The following ARHGAP44 variants were observed in gnomAD, a reference collection of about 807,000 sequenced individuals.
ARHGAP44 encodes the protein rho GTPase-activating protein 44.
Under a neutral mutation model 106.8 loss-of-function variants are expected in ARHGAP44, and 43 were observed. The observed-to-expected ratio is 0.40, with a 90% CI of 0.32 to 0.52. ARHGAP44 has a LOEUF of 0.52. Among genes scored for constraint, ARHGAP44 ranks in the 20% least tolerant of loss-of-function variants. The pLI is 0.48. For synonymous variants in ARHGAP44, 439 were observed against 410.3 expected, an observed-to-expected ratio of 1.07 and a Z score of -0.85; for missense variants, 866 against 1,050.5, an observed-to-expected ratio of 0.82 and a Z score of 2.43.
intron 1 of ARHGAP44, among the ~76,000 whole-genome samples, chr17:12,831,885 A>T (rs748643256): frequency 1.3e-5 from 2 of 152,176 alleles, no homozygotes; most frequent in Non-Finnish European, 2.9e-5. Flanking sequence ...CATTCTAGGG[A>T]TGAGACCGTG....
At chr17:12,917,264 G>C (rs528713930) in intron 5 of ARHGAP44, 3 of 154,708 alleles carry the variant, frequency 1.9e-5, no homozygotes, top group South Asian at 2.0e-4. Context: ...AATCACAGAG[G>C]GGGAGAGGTC....
At chr17:12,792,643 A>G (rs1424648366) in intron 1 of ARHGAP44, among the ~76,000 whole-genome samples, 1 of 152,152 alleles carries the variant, frequency 6.6e-6, no homozygotes, top group African/African-American at 2.4e-5. Context: ...AAAGCACTTG[A>G]TTTTTATCCT....
intron 1 of ARHGAP44, among the ~76,000 whole-genome samples, chr17:12,826,753 C>A (rs772882985): frequency 2.0e-5 from 3 of 152,192 alleles, no homozygotes; most frequent in Non-Finnish European, 4.4e-5. Flanking sequence ...TCTCTTGATT[C>A]TTCTTATGAT....
chr17:12,838,018 C>T (rs1266598189), intron 1 of ARHGAP44, among the ~76,000 whole-genome samples: 1 of 152,126 alleles, frequency 6.6e-6, no homozygotes, highest in Non-Finnish European at 1.5e-5. Flanking sequence ...CTGCTCTTAG[C>T]CAGTTTCCCT....
At chr17:12,888,827 C>T (rs2036958186) in intron 1 of ARHGAP44, among the ~76,000 whole-genome samples, 1 of 152,054 alleles carries the variant, frequency 6.6e-6, no homozygotes, top group South Asian at 2.1e-4. Flanking sequence ...ACCCTTTTGT[C>T]ATTATTTCAT....
intron 1 of ARHGAP44, among the ~76,000 whole-genome samples, chr17:12,838,981 A>G (rs1397639985): frequency 6.6e-6 from 1 of 152,182 alleles, no homozygotes; most frequent in African/African-American, 2.4e-5. Context: ...TGCTGGGATT[A>G]CAGACGTGAG....
chr17:12,856,962 T>G (rs970376208), intron 1 of ARHGAP44, among the ~76,000 whole-genome samples: 1 of 152,216 alleles, frequency 6.6e-6, no homozygotes, highest in African/African-American at 2.4e-5. Flanking sequence ...CTGAAAATAA[T>G]ATGTCATTAG....
In ARHGAP44 at chr17:12,991,349, C is replaced by T. The variant is rs1378656064; in HGVS notation, c.*1178C>T. 1.3e-5 allele frequency: 2 copies of T among 153,368 alleles called. No homozygotes were observed. Among genetic ancestry groups the T allele is most frequent in the African/African-American group, 4.8e-5 (2 of 41,386 alleles). 9.5% of individuals were successfully genotyped at this position (153,368 alleles called of 1,614,324 possible). ...GATATAATATTTGTATATATGAAAT[C>T]TCTCTATATTTGTTTAATTTGAGCC... On this transcript the variant is annotated 3_prime_UTR_variant, in exon 21 of 21. Transcript: ENST00000379672.
intron 13 of ARHGAP44, among the ~76,000 whole-genome samples, chr17:12,954,613 C>T (rs1161138813): frequency 6.6e-6 from 1 of 152,104 alleles, no homozygotes; most frequent in Non-Finnish European, 1.5e-5. Context: ...CGAAGGTGAG[C>T]AGAAAATCCC....
chr17:12,894,974 C>T lies in ARHGAP44; in HGVS notation c.88C>T (p.Leu30Phe). The change falls in exon 2 of 21, where the codon CTT (leucine) becomes TTT (phenylalanine). Residue 30 changes from leucine (L) to phenylalanine (F), a missense_variant. Transcript: ENST00000379672. ...EKTEVLSEDL[L>F]QVEKRLELVK... Reference sequence around the variant, plus strand: ...GACAGAAGTTTTGAGTGAAGACCTTCTTCAGGTAAGGCGGCCATTGACACT... The same window carrying T: ...GACAGAAGTTTTGAGTGAAGACCTTTTTCAGGTAAGGCGGCCATTGACACT... The T allele has an allele frequency of 6.3e-7, 1 of 1,588,252 alleles. No individual in the cohort carries two copies. The highest frequency in any genetic ancestry group is 8.6e-7 in the Non-Finnish European group (1 of 1,166,416).
At chr17:12,903,687 G>T (rs983524387) in intron 3 of ARHGAP44, among the ~76,000 whole-genome samples, 1 of 152,094 alleles carries the variant, frequency 6.6e-6, no homozygotes, top group African/African-American at 2.4e-5. Context: ...ATATTTTGGT[G>T]CACCCATCAC....
chr17:12,845,786 G>A (rs751313187), intron 1 of ARHGAP44, among the ~76,000 whole-genome samples: 1 of 152,132 alleles, frequency 6.6e-6, no homozygotes, highest in Non-Finnish European at 1.5e-5. Flanking sequence ...ACTAACAACT[G>A]CCTTTGCCAG....
At position 12,974,271 on chromosome 17, in the gene ARHGAP44, C is replaced by T. The variant is rs1234443526; in HGVS notation, c.1724C>T (p.Pro575Leu). The change falls in exon 18 of 21, where the codon CCA (proline) becomes CTA (leucine). Residue 575 changes from proline to leucine, a missense_variant. Coordinates refer to ENST00000379672, the MANE Select transcript of ARHGAP44 (RefSeq NM_014859.6). Reference protein sequence around the residue: ...LDSPAAPALSPSGLGLQPGPE... With the variant: ...LDSPAAPALSLSGLGLQPGPE... ...AGCCCCGCGGCCCCCGCGCTCTCTCCATCCGGCCTGGGCCTCCAGCCTGGG... is the reference window on the plus strand; with the variant it reads ...AGCCCCGCGGCCCCCGCGCTCTCTCTATCCGGCCTGGGCCTCCAGCCTGGG... 2 of 1,499,298 alleles carry T rather than the reference C, an allele frequency of 1.3e-6. No homozygotes were observed. The highest frequency in any genetic ancestry group is 8.9e-7 in the Non-Finnish European group (1 of 1,127,886). 92.9% of individuals were successfully genotyped at this position (1,499,298 alleles called of 1,614,324 possible).
intron 1 of ARHGAP44, among the ~76,000 whole-genome samples, chr17:12,873,069 C>G (rs990500507): frequency 6.6e-6 from 1 of 151,848 alleles, no homozygotes; most frequent in Non-Finnish European, 1.5e-5. Context: ...ATTTAATAGC[C>G]TTTCGTTGCT....
chr17:12,964,689 C>G (rs1037245134), intron 16 of ARHGAP44, among the ~76,000 whole-genome samples: 1 of 152,068 alleles, frequency 6.6e-6, no homozygotes, highest in East Asian at 1.9e-4. Context: ...GAGGCTGAGG[C>G]AGGAGAATTG....
At position 12,970,383 on chromosome 17, in the gene ARHGAP44, A is replaced by AG. The variant is rs201844531; in HGVS notation, c.1524-2919_1524-2918insG. 4.6e-3 allele frequency among the ~76,000 whole-genome samples: 646 copies of AG among 140,318 alleles called. 11 individuals are homozygous for AG. Among genetic ancestry groups the AG allele is most frequent in the African/African-American group, 0.015 (568 of 37,354 alleles). 92.1% of individuals were successfully genotyped at this position (140,318 alleles called of 152,430 possible). On this transcript the variant is annotated intron_variant, in intron 16 of 20. Transcript: ENST00000379672. ...CCTGTCTCAAAAAAAAAAAAAAAAA[A>AG]AAAAAGAAAAAGAAGAGAAGAGAAA...
intron 3 of ARHGAP44, among the ~76,000 whole-genome samples, chr17:12,900,681 C>G (rs1057419601): frequency 6.6e-6 from 1 of 152,134 alleles, no homozygotes; most frequent in Admixed American, 6.6e-5. Context: ...TTCTGTGCTG[C>G]AGAAGCTCAC....
At chr17:12,852,307 G>A (rs2035774330) in intron 1 of ARHGAP44, among the ~76,000 whole-genome samples, 1 of 109,532 alleles carries the variant, frequency 9.1e-6, no homozygotes, top group African/African-American at 3.5e-5. Context: ...GTCAGTTTGA[G>A]CAATTTTTAT....
intron 1 of ARHGAP44, among the ~76,000 whole-genome samples, chr17:12,812,686 G>A (rs1390776030): frequency 2.6e-5 from 4 of 152,280 alleles, no homozygotes; most frequent in South Asian, 2.1e-4. Context: ...ACAAACACAC[G>A]TGGTTAACAT....
Sources: allele counts gnomAD v4.1 joint callset (sites outside exome capture counted in the v4.1 genomes callset), GRCh38; gene constraint gnomAD v4.1.1; transcripts MANE v1.5; gene names NCBI Gene and HGNC (gene_info 2026-07-23, HGNC 2026-07-21).